The following CAMTA1 variants were observed in gnomAD, a reference collection of about 807,000 sequenced individuals.
The protein encoded by CAMTA1 is calmodulin-binding transcription activator 1.
CAMTA1 carries 27 observed loss-of-function variants against 170.9 expected under a neutral mutation model. The observed-to-expected ratio is 0.16, with a 90% CI of 0.12 to 0.22. The LOEUF is 0.22. CAMTA1 is among the 10% of genes least tolerant of loss of function. The probability of loss-of-function intolerance (pLI) is 1.00; values close to 1 mark genes in which losing one functional copy is unlikely to be tolerated. For synonymous variants in CAMTA1, 833 were observed against 891.5 expected (o/e 0.93, Z 1.17); for missense variants, 1,619 against 2,217.2 (o/e 0.73, Z 5.42).
At chr1:7,125,169 CCAAGCATGGGAAT>C (rs1644861158) in intron 4 of CAMTA1, among the ~76,000 whole-genome samples, 1 of 152,108 alleles carries the variant, frequency 6.6e-6, no homozygotes. Context: ...GCACGCTGAG[CCAAGCATGGGAAT>C]CAATCTCTGA....
intron 3 of CAMTA1, among the ~76,000 whole-genome samples, chr1:7,062,388 G>A (rs1558043435): frequency 6.6e-6 from 1 of 152,214 alleles, no homozygotes; most frequent in Non-Finnish European, 1.5e-5. Context: ...AGTGTAAAAA[G>A]TGAGCAAGAA....
chr1:6,812,139 A>T (rs1645243446), intron 1 of CAMTA1, among the ~76,000 whole-genome samples: 1 of 152,114 alleles, frequency 6.6e-6, no homozygotes, highest in Non-Finnish European at 1.5e-5. Flanking sequence ...CATCGTACTT[A>T]CTTTTTCTGC....
chr1:7,380,300 T>A (rs2087186975), intron 5 of CAMTA1, among the ~76,000 whole-genome samples: 1 of 152,130 alleles, frequency 6.6e-6, no homozygotes, highest in South Asian at 2.1e-4. Flanking sequence ...TAAGTCCGGG[T>A]CCGGTGGCTC....
intron 7 of CAMTA1, among the ~76,000 whole-genome samples, chr1:7,652,923 A>G (rs1482714870): frequency 2.6e-5 from 4 of 152,000 alleles, no homozygotes; most frequent in Non-Finnish European, 5.9e-5. Flanking sequence ...AAGTTACATA[A>G]CTTCTCTGAG....
intron 11 of CAMTA1, among the ~76,000 whole-genome samples, chr1:7,721,447 C>CTAT (rs2096648992): frequency 6.6e-6 from 1 of 152,084 alleles, no homozygotes; most frequent in Non-Finnish European, 1.5e-5. Context: ...CCAGTAGCTG[C>CTAT]TATTATTATT....
At chr1:7,253,306 G>A (rs1666896312) in intron 5 of CAMTA1, among the ~76,000 whole-genome samples, 1 of 152,188 alleles carries the variant, frequency 6.6e-6, no homozygotes, top group African/African-American at 2.4e-5. Context: ...CGGATGAGCT[G>A]AGGGAGGTTA....
chr1:7,605,201 T>C (rs749133704), intron 6 of CAMTA1, among the ~76,000 whole-genome samples: 2 of 152,218 alleles, frequency 1.3e-5, no homozygotes, highest in Non-Finnish European at 2.9e-5. Flanking sequence ...ACCACTACTC[T>C]CTTCAAAGCT....
chr1:7,527,703 G>A (rs1458574338), intron 6 of CAMTA1, among the ~76,000 whole-genome samples: 1 of 152,224 alleles, frequency 6.6e-6, no homozygotes, highest in Non-Finnish European at 1.5e-5. Context: ...ACTAGAAGCT[G>A]CCTCGACCCG....
intron 5 of CAMTA1, among the ~76,000 whole-genome samples, chr1:7,409,223 A>G (rs1412399661): frequency 2.0e-5 from 3 of 152,198 alleles, no homozygotes; most frequent in Non-Finnish European, 4.4e-5. Flanking sequence ...ACAATCCCAG[A>G]TGGAGAGACA....
In CAMTA1 at chr1:6,871,828, C is replaced by G. The variant is rs1373142675; in HGVS notation, c.234+46618C>G. 7.3e-6 allele frequency: 11 copies of G among 1,498,912 alleles called. No individual in the cohort carries two copies. In the Admixed American group the frequency reaches 2.2e-4, roughly 30 times the overall value. The allele number at this position is 1,498,912 out of a possible 1,614,324, so 92.9% of individuals were successfully genotyped here. On this transcript the variant is annotated intron_variant, in intron 3 of 22. Coordinates refer to ENST00000303635, the MANE Select transcript of CAMTA1 (RefSeq NM_015215.4). ...GACCCTTCACCTTTGATCCCCTGAC[C>G]TGCATTACCTTGGTAACCATTTCAT... is the stretch of plus-strand genomic sequence containing the variant.
At chr1:7,094,124 C>T (rs569607628) in intron 4 of CAMTA1, among the ~76,000 whole-genome samples, 7 of 152,308 alleles carry the variant, frequency 4.6e-5, no homozygotes, top group South Asian at 2.1e-4. Flanking sequence ...AGGGTGAAGA[C>T]GGAAGGTTTC....
chr1:6,833,760 A>G (rs948662581), intron 3 of CAMTA1, among the ~76,000 whole-genome samples: 1 of 152,234 alleles, frequency 6.6e-6, no homozygotes, highest in African/African-American at 2.4e-5. Flanking sequence ...CACAAATCAC[A>G]AACTTGAGCA....
rs1661283012 is a variant in CAMTA1 at position 7,224,138 on chromosome 1, G to C, written c.303-25353G>C. Among the ~76,000 whole-genome samples the C allele has an allele frequency of 6.6e-6, 1 of 152,210 alleles. No individual in the cohort carries two copies. Among genetic ancestry groups the C allele is most frequent in the Non-Finnish European group, 1.5e-5 (1 of 68,034 alleles). ...TTTGTAGCACCTTTACATAAAGCCA[G>C]AGTGCTCAAGCCATCCTGGACCTCA... On this transcript the variant is annotated intron_variant, in intron 4 of 22. Transcript: ENST00000303635. The surrounding 1 kb of genome is among the most constrained non-coding windows in gnomAD (Gnocchi z 5.2).
At chr1:6,898,007 T>C (rs1327507127) in intron 3 of CAMTA1, among the ~76,000 whole-genome samples, 1 of 152,204 alleles carries the variant, frequency 6.6e-6, no homozygotes, top group Non-Finnish European at 1.5e-5. Flanking sequence ...TGTTTAGTGG[T>C]ATCTGAAAAA....
chr1:6,946,439 G>C (rs981686292), intron 3 of CAMTA1, among the ~76,000 whole-genome samples: 2 of 152,062 alleles, frequency 1.3e-5, no homozygotes, highest in African/African-American at 2.4e-5. Context: ...CTGAACTCTT[G>C]TCTTAGCCTC....
intron 3 of CAMTA1, among the ~76,000 whole-genome samples, chr1:6,909,040 A>G (rs931982248): frequency 1.3e-5 from 2 of 152,252 alleles, no homozygotes; most frequent in African/African-American, 4.8e-5. Context: ...ATTTTATATC[A>G]TAATCCTTTT....
intron 3 of CAMTA1, among the ~76,000 whole-genome samples, chr1:6,892,238 G>A (rs916465839): frequency 2.0e-5 from 3 of 152,084 alleles, no homozygotes; most frequent in African/African-American, 7.2e-5. Flanking sequence ...ACCAAACTTC[G>A]CCATACTGTG....
chr1:7,544,648 C>G (rs899500505), intron 6 of CAMTA1, among the ~76,000 whole-genome samples: 1 of 152,184 alleles, frequency 6.6e-6, no homozygotes, highest in African/African-American at 2.4e-5. Flanking sequence ...AACATAACAC[C>G]TGAGGCTGGG....
At chr1:6,933,574 C>T (rs971179933) in intron 3 of CAMTA1, among the ~76,000 whole-genome samples, 20 of 151,964 alleles carry the variant, frequency 1.3e-4, no homozygotes, top group African/African-American at 4.3e-4. Context: ...CCTATGTTTT[C>T]GTCTCAGAAT....
Sources: allele counts gnomAD v4.1 joint callset (sites outside exome capture counted in the v4.1 genomes callset), GRCh38; gene constraint gnomAD v4.1.1; non-coding constraint Gnocchi (gnomAD v3.1); transcripts MANE v1.5; gene names NCBI Gene and HGNC (gene_info 2026-07-23, HGNC 2026-07-21).